Variants in GCNT1 observed in about 807,000 individuals in gnomAD.
GCNT1 encodes the protein glucosaminyl (N-acetyl) transferase 1, also known as beta-1,3-galactosyl-O-glycosyl-glycoprotein beta-1,6-N-acetylglucosaminyltransferase.
In GCNT1, 16 loss-of-function variants were observed where a neutral mutation model predicts 26.2. The ratio of observed to expected loss-of-function variants is 0.61; its 90% CI spans 0.41 to 0.93. The LOEUF (loss-of-function observed/expected upper bound fraction) is 0.93, where lower values mean the gene tolerates loss of function less well. Ranked by LOEUF, GCNT1 falls within the 40% of genes least tolerant of loss-of-function variation. The probability of loss-of-function intolerance (pLI) is 0.00; values close to 1 mark genes in which losing one functional copy is unlikely to be tolerated. For synonymous variants in GCNT1, 183 were observed against 190.8 expected (o/e 0.96, Z 0.34); for missense variants, 477 against 526.7 (o/e 0.91, Z 0.92).
At chr9:76,436,698 A>G (rs1008304948), upstream of GCNT1, among the ~76,000 whole-genome samples, 2 of 151,904 alleles carry the variant, frequency 1.3e-5, no homozygotes, top group South Asian at 2.1e-4. Flanking sequence ...AATGCCTACT[A>G]TTTTCCAGTC....
At chr9:76,394,253 G>C in the GCNT1 span, 2 of 1,410,486 alleles carry the variant, frequency 1.4e-6, no homozygotes, top group East Asian at 2.7e-5. Flanking sequence ...CCAGACCCCG[G>C]ACCAGCCGGG....
chr9:76,437,439 CA>C (rs1234155098), upstream of GCNT1, among the ~76,000 whole-genome samples: 2 of 152,158 alleles, frequency 1.3e-5, no homozygotes, highest in Non-Finnish European at 2.9e-5. Flanking sequence ...TGACAGTTTA[CA>C]AATGCCATGG....
chr9:76,458,441 C>G (rs1367772909), upstream of GCNT1, among the ~76,000 whole-genome samples: 1 of 152,102 alleles, frequency 6.6e-6, no homozygotes, highest in Admixed American at 6.6e-5. Flanking sequence ...CTCGGCCTCC[C>G]AAAGTGCTGG....
intron 1 of GCNT1, among the ~76,000 whole-genome samples, chr9:76,433,739 G>A (rs959358604): frequency 6.6e-6 from 1 of 152,190 alleles, no homozygotes; most frequent in East Asian, 1.9e-4. Flanking sequence ...ATCACCGGCT[G>A]GAGGTTTCCT....
chr9:76,495,208 G>A (rs910274038), intron 2 of GCNT1, among the ~76,000 whole-genome samples: 3 of 152,132 alleles, frequency 2.0e-5, no homozygotes, highest in African/African-American at 2.4e-5. Flanking sequence ...TCTTGGTCTC[G>A]CTGACCAAGA....
chr9:76,447,767 AT>A (rs1214280421), intron 1 of GCNT1, among the ~76,000 whole-genome samples: 1 of 152,174 alleles, frequency 6.6e-6, no homozygotes, highest in Non-Finnish European at 1.5e-5. Context: ...TAGCATAGGC[AT>A]TTTGGTGCTC....
intron 2 of GCNT1, among the ~76,000 whole-genome samples, chr9:76,492,395 T>C (rs996774518): frequency 1.3e-5 from 2 of 151,934 alleles, no homozygotes; most frequent in African/African-American, 4.8e-5. Flanking sequence ...GTGGGAGAAA[T>C]ACCTGGTTAC....
intron 1 of GCNT1, among the ~76,000 whole-genome samples, chr9:76,444,774 T>C (rs1212196905): frequency 6.6e-6 from 1 of 152,192 alleles, no homozygotes; most frequent in Admixed American, 6.5e-5. Context: ...GCCCTCTGTG[T>C]TGTTCTGGAG....
chr9:76,417,637 T>A (rs769107698), upstream of GCNT1, among the ~76,000 whole-genome samples: 2 of 152,202 alleles, frequency 1.3e-5, no homozygotes, highest in African/African-American at 2.4e-5. Flanking sequence ...GGAAACTCCT[T>A]TGGTGGGTGG....
rs144984085 is a variant in GCNT1 at position 76,426,346 on chromosome 9, C to T, written n.38+6459C>T. On this transcript the variant is annotated intron_variant and non_coding_transcript_variant, in intron 1 of 3. Coordinates refer to the GCNT1 transcript ENST00000488136. Reference sequence around the variant, plus strand: ...CCTTTGGGAGGCCAATGTAGGAGGACTGCTTGAGCCCAGCAGTTCAAGACC... The same window carrying T: ...CCTTTGGGAGGCCAATGTAGGAGGATTGCTTGAGCCCAGCAGTTCAAGACC... Among the ~76,000 whole-genome samples, 406 of 152,188 alleles carry T rather than the reference C, an allele frequency of 2.7e-3. 1 individual carries two copies. Among genetic ancestry groups the T allele is most frequent in the African/African-American group, 9.3e-3 (386 of 41,542 alleles).
chr9:76,470,189 C>T (rs1442644390), intron 2 of GCNT1, among the ~76,000 whole-genome samples: 1 of 151,944 alleles, frequency 6.6e-6, no homozygotes, highest in Non-Finnish European at 1.5e-5. Context: ...AAAATATATA[C>T]ATATATTTAT....
At chr9:76,443,934 G>A (rs12348179) in intron 1 of GCNT1, among the ~76,000 whole-genome samples, 34 of 40,328 alleles carry the variant, frequency 8.4e-4, no homozygotes, top group African/African-American at 2.8e-3. Context: ...AGGAAGAAAG[G>A]AAGGAAGGAA....
rs764292850 is a variant in GCNT1, at chr9:76,502,993, T to C, written c.612T>C (p.Tyr204=). 6.2e-7 allele frequency: 1 copy of C among 1,613,544 alleles called. No individual in the cohort carries two copies. Among genetic ancestry groups the C allele is most frequent in the South Asian group, 1.1e-5 (1 of 91,082 alleles). The change falls in exon 4 of 4, where the codon TAT becomes TAC. Residue 204 remains tyrosine, a synonymous_variant. Coordinates refer to ENST00000376730, the MANE Select transcript of GCNT1 (RefSeq NM_001490.5). ...QADLNCMKDL[Y]AMSANWKYLI... ...ACCTCAACTGCATGAAGGATCTCTATGCAATGAGTGCAAACTGGAAGTACT... is the reference window on the plus strand; with the variant it reads ...ACCTCAACTGCATGAAGGATCTCTACGCAATGAGTGCAAACTGGAAGTACT...
In GCNT1 at chr9:76,425,336, C is replaced by A. The variant is rs531651273; in HGVS notation, n.38+5449C>A. On this transcript the variant is annotated intron_variant and non_coding_transcript_variant, in intron 1 of 3. Coordinates refer to the GCNT1 transcript ENST00000488136. Reference sequence around the variant, plus strand: ...CTCTCAGGTTCAAGTGATTCTCCTGCCTCAGCCTCCTGAGTAGCTGGGATT... The same window carrying A: ...CTCTCAGGTTCAAGTGATTCTCCTGACTCAGCCTCCTGAGTAGCTGGGATT... 1.7e-4 allele frequency among the ~76,000 whole-genome samples: 26 copies of A among 151,858 alleles called. No homozygotes were observed. In the South Asian group the frequency reaches 5.2e-3, roughly 30 times the overall value.
the GCNT1 span, chr9:76,394,147 G>T: frequency 1.2e-6 from 2 of 1,609,084 alleles, no homozygotes; most frequent in South Asian, 2.2e-5. Flanking sequence ...ACTTGACCCC[G>T]GCAGAAGTAA....
rs182753011 is a variant in GCNT1, at chr9:76,428,083, G to A, written n.38+8196G>A. Reference sequence around the variant, plus strand: ...AGATCGAGACCATCCTGGCTAATACGGTGAAACCCCATCTCTACTAAAAAT... The same window carrying A: ...AGATCGAGACCATCCTGGCTAATACAGTGAAACCCCATCTCTACTAAAAAT... On this transcript the variant is annotated intron_variant and non_coding_transcript_variant, in intron 1 of 3. Coordinates refer to the GCNT1 transcript ENST00000488136. Among the ~76,000 whole-genome samples the A allele has an allele frequency of 2.6e-3, 402 of 151,854 alleles. 2 individuals are homozygous for A. The highest frequency in any genetic ancestry group is 9.3e-3 in the African/African-American group (386 of 41,414).
upstream of GCNT1, among the ~76,000 whole-genome samples, chr9:76,439,841 T>C (rs370868677): frequency 1.1e-4 from 17 of 152,168 alleles, no homozygotes; most frequent in Admixed American, 3.3e-4. Context: ...GGCTCATGCC[T>C]GTAATCCTAG....
the GCNT1 span, among the ~76,000 whole-genome samples, chr9:76,399,905 A>G: frequency 6.6e-6 from 1 of 152,248 alleles, no homozygotes; most frequent in Non-Finnish European, 1.5e-5. Context: ...CTAAAAAGAA[A>G]TGAGCTATCA....
chr9:76,504,992 G>C lies in GCNT1; in HGVS notation c.*1324G>C, dbSNP rs758431671. The C allele has an allele frequency of 2.2e-5, 9 of 413,076 alleles. No homozygotes were observed. Among genetic ancestry groups the C allele is most frequent in the Non-Finnish European group, 4.0e-5 (9 of 226,088 alleles). 25.6% of individuals were successfully genotyped at this position (413,076 alleles called of 1,614,324 possible). On this transcript the variant is annotated 3_prime_UTR_variant, in exon 4 of 4. Transcript: ENST00000376730. ...TCTTCACCATAAGACAGATAATTTG[G>C]GGTTGCTATAATGCTGTCACACATC...
Sources: gnomAD v4.1 joint callset for allele counts (sites outside exome capture counted in the v4.1 genomes callset) on GRCh38, gnomAD v4.1.1 for gene constraint, MANE v1.5 for transcripts, NCBI Gene and HGNC (gene_info 2026-07-23, HGNC 2026-07-21) for gene names.